The following CSMD3 variants were observed in gnomAD, a reference collection of about 807,000 sequenced individuals.
CSMD3 encodes CUB and Sushi multiple domains 3.
CSMD3 carries 177 observed loss-of-function variants against 435.2 expected under a neutral mutation model. The ratio of observed to expected loss-of-function variants is 0.41; its 90% CI spans 0.36 to 0.46. The LOEUF (loss-of-function observed/expected upper bound fraction) is 0.46. Ranked by LOEUF, CSMD3 falls within the 20% of genes least tolerant of loss-of-function variation. The pLI is 0.34. For synonymous variants in CSMD3, 1,656 were observed against 1,520.5 expected (o/e 1.09, Z -2.07); for missense variants, 4,265 against 4,504.6 (o/e 0.95, Z 1.52).
chr8:112,952,963 C>G (rs759474770), intron 8 of CSMD3, among the ~76,000 whole-genome samples: 2 of 151,116 alleles, frequency 1.3e-5, no homozygotes, highest in African/African-American at 4.8e-5. Flanking sequence ...ATATATATTT[C>G]CACTAAGGCA....
At chr8:112,658,581 C>G (rs572706575) in intron 17 of CSMD3, among the ~76,000 whole-genome samples, 1 of 152,052 alleles carries the variant, frequency 6.6e-6, no homozygotes, top group Non-Finnish European at 1.5e-5. Context: ...GTATGTGTTT[C>G]ATAAATGTTT....
intron 13 of CSMD3, among the ~76,000 whole-genome samples, chr8:112,798,670 A>G (rs1436745383): frequency 1.3e-5 from 2 of 151,920 alleles, no homozygotes; most frequent in African/African-American, 4.8e-5. Context: ...GTAAATATCG[A>G]TAGAACTCCC....
Position 112,461,780 on chromosome 8 carries a change from T to C in CSMD3, c.5395+10811A>G, listed in dbSNP as rs541272221. Among the ~76,000 whole-genome samples the C allele has an allele frequency of 2.0e-5, 3 of 152,328 alleles. No homozygotes were observed. The East Asian group carries it at 5.8e-4, about 29-fold the overall frequency. On this transcript the variant is annotated intron_variant, in intron 32 of 70. Transcript: ENST00000297405. Reference sequence around the variant, plus strand: ...ATGTAGCATGCCATTGTTATATAACTAATCTTACTTTTGCAGAATAATAAA... The same window carrying C: ...ATGTAGCATGCCATTGTTATATAACCAATCTTACTTTTGCAGAATAATAAA...
intron 1 of CSMD3, among the ~76,000 whole-genome samples, chr8:113,394,553 C>A (rs1020135285): frequency 3.3e-5 from 5 of 152,052 alleles, no homozygotes; most frequent in African/African-American, 1.2e-4. Flanking sequence ...TGCTATATTT[C>A]TAAATTTTCA....
chr8:113,015,036 T>G (rs1196306740), intron 6 of CSMD3, among the ~76,000 whole-genome samples: 1 of 152,150 alleles, frequency 6.6e-6, no homozygotes, highest in Admixed American at 6.6e-5. Flanking sequence ...TATACTATGC[T>G]GCATCCCCCA....
At chr8:112,639,043 A>G in intron 20 of CSMD3, 132 bp from the exon 21 acceptor site, 1 of 648,254 alleles carries the variant, frequency 1.5e-6, no homozygotes, top group South Asian at 1.8e-5. Flanking sequence ...TTGCTATAAA[A>G]TATTCCAAAT....
intron 69 of CSMD3, among the ~76,000 whole-genome samples, chr8:112,230,890 G>C (rs1813022965): frequency 6.6e-6 from 1 of 152,072 alleles, no homozygotes; most frequent in African/African-American, 2.4e-5. Flanking sequence ...TTTATTCTTT[G>C]TGTATCCCTG....
At chr8:113,078,909 A>G (rs759120399) in intron 5 of CSMD3, among the ~76,000 whole-genome samples, 1 of 152,178 alleles carries the variant, frequency 6.6e-6, no homozygotes, top group Non-Finnish European at 1.5e-5. Flanking sequence ...GGAGCAAAGT[A>G]TACTGGGAAG....
intron 27 of CSMD3, among the ~76,000 whole-genome samples, chr8:112,530,228 A>G (rs1825389919): frequency 6.6e-6 from 1 of 152,146 alleles, no homozygotes; most frequent in Non-Finnish European, 1.5e-5. Flanking sequence ...GAAAAACAGG[A>G]CAGTTTACTC....
At chr8:112,985,037 T>TA (rs1554740316) in intron 6 of CSMD3, among the ~76,000 whole-genome samples, 1 of 151,494 alleles carries the variant, frequency 6.6e-6, no homozygotes, top group Non-Finnish European at 1.5e-5. Flanking sequence ...GATAGATAGA[T>TA]AATCTTCACC....
intron 49 of CSMD3, among the ~76,000 whole-genome samples, 186 bp from the exon 50 acceptor site, chr8:112,311,352 T>G (rs552345753): frequency 6.6e-6 from 1 of 152,296 alleles, no homozygotes; most frequent in African/African-American, 2.4e-5. Flanking sequence ...ACACAACTTT[T>G]GGGAGACATA....
intron 14 of CSMD3, among the ~76,000 whole-genome samples, chr8:112,689,040 C>T (rs1353994466): frequency 2.6e-5 from 4 of 151,988 alleles, no homozygotes; most frequent in East Asian, 1.9e-4. Context: ...TTTGGTAAAT[C>T]GAATCAGATC....
At chr8:113,239,546 CA>C (rs1321163232) in intron 3 of CSMD3, among the ~76,000 whole-genome samples, 1 of 141,470 alleles carries the variant, frequency 7.1e-6, no homozygotes, top group African/African-American at 2.8e-5. Context: ...TCTATCTTAT[CA>C]GTTCTGTTTC....
chr8:112,312,116 C>T (rs1343669805), intron 49 of CSMD3, among the ~76,000 whole-genome samples: 5 of 152,098 alleles, frequency 3.3e-5, no homozygotes, highest in African/African-American at 1.2e-4. Context: ...TATCATGTAT[C>T]ATGAATTTAA....
intron 32 of CSMD3, among the ~76,000 whole-genome samples, chr8:112,426,832 A>G (rs1458586887): frequency 1.3e-5 from 2 of 152,222 alleles, no homozygotes; most frequent in Admixed American, 6.5e-5. Context: ...ATGAATGTGG[A>G]AACTCCAATT....
chr8:112,375,913 A>G (rs1828899631), intron 38 of CSMD3, among the ~76,000 whole-genome samples: 1 of 152,112 alleles, frequency 6.6e-6, no homozygotes, highest in Non-Finnish European at 1.5e-5. Flanking sequence ...AAGCAGCCTT[A>G]GTTACTGCCA....
intron 4 of CSMD3, among the ~76,000 whole-genome samples, chr8:113,143,074 G>A (rs1382349544): frequency 2.0e-5 from 3 of 150,270 alleles, no homozygotes; most frequent in Admixed American, 6.7e-5. Context: ...ATCCAACAAA[G>A]ATTAATATCT....
At chr8:112,474,033 G>C (rs1818797806) in intron 31 of CSMD3, among the ~76,000 whole-genome samples, 1 of 152,106 alleles carries the variant, frequency 6.6e-6, no homozygotes, top group South Asian at 2.1e-4. Context: ...AGGAAGGACA[G>C]AGTACAATTT....
At chr8:113,365,588 T>C (rs1425880309) in intron 1 of CSMD3, among the ~76,000 whole-genome samples, 2 of 152,066 alleles carry the variant, frequency 1.3e-5, no homozygotes, top group African/African-American at 2.4e-5. Flanking sequence ...ATAGATTATG[T>C]ACATTTTAAT....
Sources: allele counts gnomAD v4.1 joint callset (sites outside exome capture counted in the v4.1 genomes callset), GRCh38; gene constraint gnomAD v4.1.1; transcripts MANE v1.5; gene names NCBI Gene and HGNC (gene_info 2026-07-23, HGNC 2026-07-21).